Variants in SLC9B1 observed in about 807,000 individuals in gnomAD.
SLC9B1 encodes solute carrier family 9 member B1, also known as sodium/hydrogen exchanger 9B1.
A neutral mutation model predicts 51.7 loss-of-function variants in SLC9B1; 32 were observed. The observed-to-expected ratio is 0.62, with a 90% CI of 0.47 to 0.83. The LOEUF (loss-of-function observed/expected upper bound fraction) is 0.83. Among genes scored for constraint, SLC9B1 ranks in the 40% least tolerant of loss-of-function variants. The pLI, the probability that SLC9B1 is intolerant of heterozygous loss-of-function variation, is 0.00. For missense variants in SLC9B1, 406 were observed against 613.2 expected (o/e 0.66, Z 3.57); for synonymous variants, 145 against 212.7 (o/e 0.68, Z 2.77).
intron 3 of SLC9B1, among the ~76,000 whole-genome samples, chr4:102,983,952 T>A (rs1019120835): frequency 4.6e-5 from 7 of 152,110 alleles, no homozygotes; most frequent in African/African-American, 1.4e-4. Flanking sequence ...TCTTTCTAGC[T>A]TCCTGAGGTG....
intron 7 of SLC9B1, among the ~76,000 whole-genome samples, chr4:102,922,171 A>G (rs1735912401): frequency 6.6e-6 from 1 of 152,108 alleles, no homozygotes. Flanking sequence ...GTAAAGCACT[A>G]GTCAGCAAAT....
intron 3 of SLC9B1, among the ~76,000 whole-genome samples, chr4:102,980,070 G>A (rs571991645): frequency 1.3e-5 from 2 of 152,224 alleles, no homozygotes; most frequent in East Asian, 3.9e-4. Context: ...CAGTCAGAAT[G>A]GTGATTATTA....
In SLC9B1 at chr4:102,955,472, T is replaced by C. The variant is rs541196303; in HGVS notation, c.212-6045A>G. On this transcript the variant is annotated intron_variant, in intron 3 of 11. Coordinates refer to ENST00000296422, the MANE Select transcript of SLC9B1 (RefSeq NM_139173.4). ...TGGGAAAAACAGTAGTTTTACCAGT[T>C]TGAAGCTGGATGTAAAACCCAGCAG... Among the ~76,000 whole-genome samples the C allele has an allele frequency of 2.6e-5, 4 of 152,276 alleles. No homozygotes were observed. In the East Asian group the frequency reaches 5.8e-4, roughly 22 times the overall value.
intron 3 of SLC9B1, among the ~76,000 whole-genome samples, chr4:102,955,685 C>A (rs1376351466): frequency 6.6e-6 from 1 of 151,790 alleles, no homozygotes; most frequent in Non-Finnish European, 1.5e-5. Context: ...ATGAGAGATC[C>A]TGAGGGTCAA....
At chr4:102,968,820 A>T (rs1738577866) in intron 3 of SLC9B1, among the ~76,000 whole-genome samples, 2 of 151,782 alleles carry the variant, frequency 1.3e-5, no homozygotes, top group African/African-American at 4.8e-5. Flanking sequence ...AAATCTGGAC[A>T]CTCCCACCCT....
intron 3 of SLC9B1, among the ~76,000 whole-genome samples, chr4:102,982,786 G>T (rs1739425831): frequency 6.6e-6 from 1 of 151,922 alleles, no homozygotes; most frequent in African/African-American, 2.4e-5. Flanking sequence ...TTTTTTACAT[G>T]ATTCTTTTAG....
intron 7 of SLC9B1, among the ~76,000 whole-genome samples, chr4:102,928,904 T>A (rs1345530589): frequency 6.6e-6 from 1 of 152,084 alleles, no homozygotes; most frequent in Non-Finnish European, 1.5e-5. Context: ...GTCTGATATT[T>A]GAGTGCAGGA....
At chr4:103,019,463 G>T in intron 1 of SLC9B1, 136 bp downstream of exon 1, 1 of 472,214 alleles carries the variant, frequency 2.1e-6, no homozygotes, top group Non-Finnish European at 2.8e-6. Flanking sequence ...GCGTCTGGGA[G>T]AAGAGCCCAA....
chr4:103,019,190 G>C (rs1038923245), intron 1 of SLC9B1, among the ~76,000 whole-genome samples: 2 of 152,086 alleles, frequency 1.3e-5, no homozygotes, highest in Non-Finnish European at 2.9e-5. Context: ...TCTCAGGATC[G>C]GCAACCAATC....
exon 12 of SLC9B1, chr4:102,885,169 A>G (rs775550185): frequency 1.4e-6 from 2 of 1,443,108 alleles, no homozygotes; most frequent in Non-Finnish European, 2.0e-6. Flanking sequence ...GCTATTTTGA[A>G]TTCTTTTCCA....
intron 9 of SLC9B1, among the ~76,000 whole-genome samples, chr4:102,907,594 C>T (rs1735117292): frequency 6.6e-6 from 1 of 152,262 alleles, no homozygotes; most frequent in Non-Finnish European, 1.5e-5. Context: ...TAAAACGTTA[C>T]AGGAAAGGCC....
intron 1 of SLC9B1, among the ~76,000 whole-genome samples, chr4:102,998,262 A>G (rs1045240171): frequency 1.1e-4 from 16 of 152,204 alleles, no homozygotes; most frequent in African/African-American, 3.9e-4. Flanking sequence ...GATTCAAGTC[A>G]TACAATATTT....
At chr4:102,957,482 T>TA (rs1224745253) in intron 3 of SLC9B1, among the ~76,000 whole-genome samples, 2 of 152,134 alleles carry the variant, frequency 1.3e-5, no homozygotes, top group African/African-American at 4.8e-5. Flanking sequence ...CTGGCATTTT[T>TA]ATCTGAAAAA....
At chr4:102,905,401 T>C (rs543280955) in intron 11 of SLC9B1, 113 bp downstream of exon 11, 19 of 1,101,094 alleles carry the variant, frequency 1.7e-5, no homozygotes, top group Middle Eastern at 3.1e-4. Flanking sequence ...CAATCAAACA[T>C]TTAAAAAGTA....
chr4:102,979,994 A>C (rs917763581), intron 3 of SLC9B1, among the ~76,000 whole-genome samples: 1 of 152,236 alleles, frequency 6.6e-6, no homozygotes, highest in African/African-American at 2.4e-5. Flanking sequence ...CGTATGAAAA[A>C]AAGCTCAACC....
At chr4:102,999,147 T>G (rs1221877512) in intron 1 of SLC9B1, among the ~76,000 whole-genome samples, 2 of 152,208 alleles carry the variant, frequency 1.3e-5, no homozygotes, top group Admixed American at 6.5e-5. Context: ...ATTTTAAAAT[T>G]GGGATGTTTG....
At chr4:102,978,838 G>A (rs1176801339) in intron 3 of SLC9B1, among the ~76,000 whole-genome samples, 3 of 152,050 alleles carry the variant, frequency 2.0e-5, no homozygotes, top group South Asian at 2.1e-4. Flanking sequence ...GATTAAAAAC[G>A]TGTTCTTATT....
At chr4:102,983,730 TCTC>T (rs1739475459) in intron 3 of SLC9B1, among the ~76,000 whole-genome samples, 2 of 152,126 alleles carry the variant, frequency 1.3e-5, no homozygotes, top group Non-Finnish European at 2.9e-5. Flanking sequence ...AGCAATGTCT[TCTC>T]TTTTATTTCT....
At chr4:102,910,173 T>C (rs896679831) in intron 9 of SLC9B1, among the ~76,000 whole-genome samples, 9 of 152,068 alleles carry the variant, frequency 5.9e-5, no homozygotes, top group African/African-American at 2.2e-4. Context: ...AATAAAATAA[T>C]TAGATTGATA....
Sources: gnomAD v4.1 joint callset for allele counts (sites outside exome capture counted in the v4.1 genomes callset) on GRCh38, gnomAD v4.1.1 for gene constraint, MANE v1.5 for transcripts, NCBI Gene and HGNC (gene_info 2026-07-23, HGNC 2026-07-21) for gene names.